KCNQ1: variants seen among roughly 807,000 people sequenced by gnomAD.
KCNQ1 encodes potassium voltage-gated channel subfamily Q member 1, also known as potassium voltage-gated channel subfamily KQT member 1.
In KCNQ1, 49 loss-of-function variants were observed where a neutral mutation model predicts 72.4. The ratio of observed to expected loss-of-function variants is 0.68; its 90% CI spans 0.54 to 0.86. KCNQ1 has a LOEUF of 0.86. KCNQ1 is among the 40% of genes least tolerant of loss of function. The pLI is 0.00. For missense variants in KCNQ1, 790 were observed against 945.1 expected (o/e 0.84, Z 2.15); for synonymous variants, 450 against 412.6 (o/e 1.09, Z -1.10).
Position 2,827,932 on chromosome 11 carries a change from G to A in KCNQ1, c.1795-19835G>A, listed in dbSNP as rs952325205. 3.3e-5 allele frequency among the ~76,000 whole-genome samples: 5 copies of A among 152,206 alleles called. No homozygotes were observed. The highest frequency in any genetic ancestry group is 9.6e-5 in the African/African-American group (4 of 41,452). ...CATGGAAGTGGTGAGGTCAGGGGCC[G>A]GGAACCCTATGGTGGTGTTGGCCCT... On this transcript the variant is annotated intron_variant, in intron 15 of 15. Transcript: ENST00000155840. This position sits in a 1 kb window ranked among gnomAD's most constrained non-coding sequence, Gnocchi z 6.7.
chr11:2,796,879 A>T (rs1055615228), intron 15 of KCNQ1, among the ~76,000 whole-genome samples: 1 of 152,224 alleles, frequency 6.6e-6, no homozygotes, highest in African/African-American at 2.4e-5. Flanking sequence ...AACGTTCGCC[A>T]TTCGGTGCCA....
In KCNQ1 at chr11:2,768,242, C is replaced by A. The variant is rs1846531301; in HGVS notation, c.1515-602C>A. ...TTTTTCTATGCACAGACACATCATCCCCTTTGTTTCCTTTTGTGATGCTGT... is the reference window on the plus strand; with the variant it reads ...TTTTTCTATGCACAGACACATCATCACCTTTGTTTCCTTTTGTGATGCTGT... On this transcript the variant is annotated intron_variant, in intron 11 of 15. Coordinates refer to ENST00000155840, the MANE Select transcript of KCNQ1 (RefSeq NM_000218.3). The surrounding 1 kb of genome is among the most constrained non-coding windows in gnomAD (Gnocchi z 6.7). Among the ~76,000 whole-genome samples, 2 of 152,160 alleles carry A rather than the reference C, an allele frequency of 1.3e-5. No individual in the cohort carries two copies. The highest frequency in any genetic ancestry group is 1.3e-4 in the Admixed American group (2 of 15,284).
Position 2,652,673 on chromosome 11 carries a change from TTA to T in KCNQ1, c.1394-9287_1394-9286del, listed in dbSNP as rs1849775018. ...GCATGGAGACCCGGGTGGGTCGATT[TTA>T]GTTGTGTGGGTGGCTGTGTTGCTCT... On this transcript the variant is annotated intron_variant, in intron 10 of 15. Transcript: ENST00000155840. This position sits in a 1 kb window ranked among gnomAD's most constrained non-coding sequence, Gnocchi z 5.9. 2.5e-6 allele frequency: 1 copy of T among 398,706 alleles called. No individual in the cohort carries two copies. Among genetic ancestry groups the T allele is most frequent in the Non-Finnish European group, 4.4e-6 (1 of 226,210 alleles). 24.7% of individuals were successfully genotyped at this position (398,706 alleles called of 1,614,324 possible).
intron 1 of KCNQ1, among the ~76,000 whole-genome samples, chr11:2,499,007 G>A (rs1846965843): frequency 6.6e-6 from 1 of 152,160 alleles, no homozygotes; most frequent in African/African-American, 2.4e-5. Context: ...CTTCCCAGGT[G>A]AGGCGATGCC....
In KCNQ1 at chr11:2,579,695, G is replaced by A. The variant is rs1191606928; in HGVS notation, c.922-3740G>A. ...GTCCTGCTGTATGTGTGCTCTCCACGGTGGGCAGACACCCAGGGGCACTTC... is the reference window on the plus strand; with the variant it reads ...GTCCTGCTGTATGTGTGCTCTCCACAGTGGGCAGACACCCAGGGGCACTTC... On this transcript the variant is annotated intron_variant, in intron 6 of 15. Coordinates refer to ENST00000155840, the MANE Select transcript of KCNQ1 (RefSeq NM_000218.3). The surrounding 1 kb of genome is among the most constrained non-coding windows in gnomAD (Gnocchi z 6.0). Among the ~76,000 whole-genome samples, 1 of 152,092 alleles carries A rather than the reference G, an allele frequency of 6.6e-6. No individual in the cohort carries two copies. Among genetic ancestry groups the A allele is most frequent in the Non-Finnish European group, 1.5e-5 (1 of 68,002 alleles).
intron 10 of KCNQ1, among the ~76,000 whole-genome samples, chr11:2,591,569 CGGGGGCT>C (rs905163231): frequency 6.6e-6 from 1 of 152,190 alleles, no homozygotes; most frequent in African/African-American, 2.4e-5. Flanking sequence ...TGGGCGTGGC[CGGGGGCT>C]GGGGACCCAG....
rs1850290439 is a variant in KCNQ1, at chr11:2,676,157, T to C, written c.1514+14076T>C. On this transcript the variant is annotated intron_variant, in intron 11 of 15. Coordinates refer to ENST00000155840, the MANE Select transcript of KCNQ1 (RefSeq NM_000218.3). This position sits in a 1 kb window ranked among gnomAD's most constrained non-coding sequence, Gnocchi z 4.2. Reference sequence around the variant, plus strand: ...AATGGTAGCATACTGTATGTATTTTTCTACACTTTGCCTTTGACTTCTTCC... The same window carrying C: ...AATGGTAGCATACTGTATGTATTTTCCTACACTTTGCCTTTGACTTCTTCC... 1 of 398,576 alleles carries C rather than the reference T, an allele frequency of 2.5e-6. No homozygotes were observed. The highest frequency in any genetic ancestry group is 2.1e-5 in the African/African-American group (1 of 48,660). The allele number at this position is 398,576 out of a possible 1,614,324, so 24.7% of individuals were successfully genotyped here.
intron 2 of KCNQ1, among the ~76,000 whole-genome samples, chr11:2,561,853 G>A (rs1848172383): frequency 6.6e-6 from 1 of 152,222 alleles, no homozygotes; most frequent in African/African-American, 2.4e-5. Flanking sequence ...ACCTTGGGCG[G>A]GCAGGGCCTT....
chr11:2,662,712 T>TG lies in KCNQ1; in HGVS notation c.1514+635dup, dbSNP rs1277519824. On this transcript the variant is annotated intron_variant, in intron 11 of 15. Transcript: ENST00000155840. Reference sequence around the variant, plus strand: ...GGTGACAGCCGTGCAGCGGGGTCAGTGGGGCACCCAAGTCCATTCTGGCCA... The same window carrying TG: ...GGTGACAGCCGTGCAGCGGGGTCAGTGGGGGCACCCAAGTCCATTCTGGCCA... 2.0e-5 allele frequency: 8 copies of TG among 401,428 alleles called. No individual in the cohort carries two copies. In the East Asian group the frequency reaches 2.8e-4, roughly 14 times the overall value. The allele number at this position is 401,428 out of a possible 1,614,324, so 24.9% of individuals were successfully genotyped here. A position where few individuals can be genotyped will look rare whatever the true frequency, so the allele number is the denominator to read the frequency against.
rs903258020 is a variant in KCNQ1 at position 2,816,153 on chromosome 11, C to T, written c.1795-31614C>T. The stretch of plus-strand genomic sequence containing the variant: ...CCTCTGCCCATCCTGGGAAACTCAC[C>T]ATGGCATTGTGGTTGAAGGGTCAGT... On this transcript the variant is annotated intron_variant, in intron 15 of 15. Coordinates refer to ENST00000155840, the MANE Select transcript of KCNQ1 (RefSeq NM_000218.3). This position sits in a 1 kb window ranked among gnomAD's most constrained non-coding sequence, Gnocchi z 6.8. Among the ~76,000 whole-genome samples, 1 of 152,178 alleles carries T rather than the reference C, an allele frequency of 6.6e-6. No individual in the cohort carries two copies. The highest frequency in any genetic ancestry group is 2.4e-5 in the African/African-American group (1 of 41,434).
rs72847671 is a variant in KCNQ1 at position 2,536,595 on chromosome 11, A to G, written c.477+8577A>G. ...CAGCTTCTTGGGACCTCCCTCTCTCAGGCGGGTCTGGAACCCAACAGAGCT... is the reference window on the plus strand; with the variant it reads ...CAGCTTCTTGGGACCTCCCTCTCTCGGGCGGGTCTGGAACCCAACAGAGCT... On this transcript the variant is annotated intron_variant, in intron 2 of 15. Transcript: ENST00000155840. The surrounding 1 kb of genome is among the most constrained non-coding windows in gnomAD (Gnocchi z 7.4). Among the ~76,000 whole-genome samples, 9,178 of 152,226 alleles carry G rather than the reference A, an allele frequency of 0.06. 363 individuals are homozygous for G. Among genetic ancestry groups the G allele is most frequent in the Non-Finnish European group, 0.088 (5,959 of 67,968 alleles).
rs576562607 is a variant in KCNQ1 at position 2,563,937 on chromosome 11, T to C, written c.478-6691T>C. Among the ~76,000 whole-genome samples the C allele has an allele frequency of 2.6e-5, 4 of 152,362 alleles. No homozygotes were observed. The highest frequency in any genetic ancestry group is 9.6e-5 in the African/African-American group (4 of 41,588). ...TAAGAACTAAAGGCTCAAGGACAGC[T>C]ACAGATGACCACAGCTGGAGTGCGG... is the stretch of plus-strand genomic sequence containing the variant. On this transcript the variant is annotated intron_variant, in intron 2 of 15. Coordinates refer to ENST00000155840, the MANE Select transcript of KCNQ1 (RefSeq NM_000218.3). The surrounding 1 kb of genome is among the most constrained non-coding windows in gnomAD (Gnocchi z 7.4).
Position 2,767,609 on chromosome 11 carries a change from C to G in KCNQ1, c.1515-1235C>G, listed in dbSNP as rs1804181451. Among the ~76,000 whole-genome samples, 3 of 152,298 alleles carry G rather than the reference C, an allele frequency of 2.0e-5. 1 individual carries two copies. In the South Asian group the frequency reaches 6.2e-4, roughly 32 times the overall value. ...TCTGCCACGCGCAAAGCACCTTACT[C>G]CAGTAGGGGATTGAGAGAGGTGGGG... On this transcript the variant is annotated intron_variant, in intron 11 of 15. Coordinates refer to ENST00000155840, the MANE Select transcript of KCNQ1 (RefSeq NM_000218.3). This position sits in a 1 kb window ranked among gnomAD's most constrained non-coding sequence, Gnocchi z 4.6.
intron 1 of KCNQ1, among the ~76,000 whole-genome samples, chr11:2,525,208 G>A (rs1237746303): frequency 1.3e-5 from 2 of 152,184 alleles, no homozygotes; most frequent in Admixed American, 1.3e-4. Context: ...GCAGCATGCT[G>A]TGTGCAAGGT....
intron 1 of KCNQ1, among the ~76,000 whole-genome samples, chr11:2,465,076 A>G (rs900654586): frequency 2.8e-4 from 43 of 152,244 alleles, no homozygotes; most frequent in African/African-American, 1.0e-3. Context: ...TGTTAGCCAC[A>G]TGCTTAGACC....
chr11:2,622,720 CTT>C (rs981824355), intron 10 of KCNQ1: 29 of 398,382 alleles, frequency 7.3e-5, no homozygotes, highest in African/African-American at 4.3e-4. Flanking sequence ...ATTTTAAAGA[CTT>C]TATATTTTTA....
rs1847923509 is a variant in KCNQ1, at chr11:2,830,411, G to A, written c.1795-17356G>A. ...TGATCTCCAAGGCCCCGGGATCTAA[G>A]TCCCTGTTAAGTCCCCTGTTAAAGG... On this transcript the variant is annotated intron_variant, in intron 15 of 15. Coordinates refer to ENST00000155840, the MANE Select transcript of KCNQ1 (RefSeq NM_000218.3). The surrounding 1 kb of genome is among the most constrained non-coding windows in gnomAD (Gnocchi z 7.7). 6.6e-6 allele frequency among the ~76,000 whole-genome samples: 1 copy of A among 152,074 alleles called. No homozygotes were observed. Among genetic ancestry groups the A allele is most frequent in the Admixed American group, 6.5e-5 (1 of 15,270 alleles).
chr11:2,554,881 G>T (rs1355172167), intron 2 of KCNQ1, among the ~76,000 whole-genome samples: 2 of 152,170 alleles, frequency 1.3e-5, no homozygotes, highest in South Asian at 2.1e-4. Flanking sequence ...TTCCTGAAAG[G>T]GGGGGAAAAC....
At chr11:2,760,045 G>T (rs534207012) in intron 11 of KCNQ1, among the ~76,000 whole-genome samples, 3 of 152,342 alleles carry the variant, frequency 2.0e-5, no homozygotes, top group Admixed American at 1.3e-4. Context: ...TCCTGCCTCT[G>T]CTTTCCCACA....
Sources: gnomAD v4.1 joint callset for allele counts (sites outside exome capture counted in the v4.1 genomes callset) on GRCh38, gnomAD v4.1.1 for gene constraint, Gnocchi (gnomAD v3.1) non-coding constraint, MANE v1.5 for transcripts, NCBI Gene and HGNC (gene_info 2026-07-23, HGNC 2026-07-21) for gene names.